Variants in KIAA1614 observed in about 807,000 individuals in gnomAD.
The protein encoded by KIAA1614 is KIAA1614, also known as uncharacterized protein KIAA1614.
KIAA1614 carries 76 observed loss-of-function variants against 88.7 expected under a neutral mutation model. The observed-to-expected ratio is 0.86, with a 90% CI of 0.71 to 1.04. The LOEUF (loss-of-function observed/expected upper bound fraction) is 1.04. KIAA1614 is among the 50% of genes least tolerant of loss of function. The pLI is 0.00. For synonymous variants in KIAA1614, 714 were observed against 675.5 expected (o/e 1.06, Z -0.88); for missense variants, 1,553 against 1,582.5 (o/e 0.98, Z 0.32).
chr1:180,935,381 A>G lies in KIAA1614; in HGVS notation c.1472A>G (p.Lys491Arg). 6.8e-7 allele frequency: 1 copy of G among 1,469,134 alleles called. No individual in the cohort carries two copies. The highest frequency in any genetic ancestry group is 9.0e-7 in the Non-Finnish European group (1 of 1,116,614). 91.0% of individuals were successfully genotyped at this position (1,469,134 alleles called of 1,614,324 possible). A position where few individuals can be genotyped will look rare whatever the true frequency, so the allele number is the denominator to read the frequency against. ...GCGGACCAGGGCCCCCTGCGCTCCA[A>G]GCCCGACCTCGCCGACTACATCAAC... ...QAADQGPLRS[K>R]PDLADYINGA... The change falls in exon 5 of 9, where the codon AAG becomes AGG. Residue 491 changes from lysine to arginine, a missense_variant. Lys to Arg is a conservative substitution (Grantham distance 26). Transcript: ENST00000367588. This position sits in a 1 kb window ranked among gnomAD's most constrained non-coding sequence, Gnocchi z 6.1.
At chr1:180,934,374 C>G (rs575665129) in intron 4 of KIAA1614, among the ~76,000 whole-genome samples, 38 of 151,772 alleles carry the variant, frequency 2.5e-4, no homozygotes, top group African/African-American at 8.9e-4. Context: ...GGATCACTTG[C>G]GCCCAGGAGT....
At chr1:180,919,785 G>A (rs1314926021) in intron 3 of KIAA1614, among the ~76,000 whole-genome samples, 1 of 152,168 alleles carries the variant, frequency 6.6e-6, no homozygotes, top group Non-Finnish European at 1.5e-5. Context: ...TGAGGAGATG[G>A]TATTTGTGTA....
At chr1:180,923,908 G>A (rs1654009310) in intron 3 of KIAA1614, among the ~76,000 whole-genome samples, 2 of 151,074 alleles carry the variant, frequency 1.3e-5, no homozygotes, top group Middle Eastern at 6.8e-3. Flanking sequence ...CTCCCATCCT[G>A]CCCCACTGAT....
Position 180,913,183 on chromosome 1 carries a change from C to A in KIAA1614, c.-61C>A. 8.3e-7 allele frequency: 1 copy of A among 1,206,282 alleles called. No individual in the cohort carries two copies. The highest frequency in any genetic ancestry group is 1.1e-6 in the Non-Finnish European group (1 of 951,498). The allele number at this position is 1,206,282 out of a possible 1,614,324, so 74.7% of individuals were successfully genotyped here. On this transcript the variant is annotated 5_prime_UTR_variant, in exon 1 of 9. Transcript: ENST00000367588. Reference sequence around the variant, plus strand: ...GGATTCGGGGCTGGAAGTCCCTCCCCGAACCCAGCAGCTGGCCTGGGAGGG... The same window carrying A: ...GGATTCGGGGCTGGAAGTCCCTCCCAGAACCCAGCAGCTGGCCTGGGAGGG...
rs1367160998 is a variant in KIAA1614 at position 180,948,452 on chromosome 1, C to G, written c.*2864C>G. 2 of 152,272 alleles carry G rather than the reference C, an allele frequency of 1.3e-5. No individual in the cohort carries two copies. The highest frequency in any genetic ancestry group is 2.9e-5 in the Non-Finnish European group (2 of 68,066). 9.4% of individuals were successfully genotyped at this position (152,272 alleles called of 1,614,324 possible). A position where few individuals can be genotyped will look rare whatever the true frequency, so the allele number is the denominator to read the frequency against. ...TCCAGCAGACAATAAATGCCTATGA[C>G]AGCAGGCTGTCATATTTGTGTCACG... On this transcript the variant is annotated 3_prime_UTR_variant, in exon 9 of 9. Coordinates refer to ENST00000367588, the MANE Select transcript of KIAA1614 (RefSeq NM_020950.2).
chr1:180,944,258 C>A, intron 7 of KIAA1614, 131 bp from the exon 8 acceptor site: 1 of 887,094 alleles, frequency 1.1e-6, no homozygotes, highest in South Asian at 1.6e-5. Flanking sequence ...CTGTTGAATT[C>A]TTGGAAGCAA....
At chr1:180,913,378 C>G (rs997979714) in intron 1 of KIAA1614, 85 bp downstream of exon 1, 13 of 931,484 alleles carry the variant, frequency 1.4e-5, no homozygotes, top group Non-Finnish European at 1.5e-5. Flanking sequence ...CAGGTCGCCC[C>G]GGCCACTGGG....
intron 3 of KIAA1614, among the ~76,000 whole-genome samples, chr1:180,923,284 A>G (rs1228334413): frequency 1.3e-5 from 2 of 152,138 alleles, no homozygotes; most frequent in East Asian, 1.9e-4. Flanking sequence ...TAATGTTCCA[A>G]CCCTCAAAAT....
At chr1:180,915,726 G>GCA (rs1210874559) in intron 1 of KIAA1614, among the ~76,000 whole-genome samples, 1 of 152,130 alleles carries the variant, frequency 6.6e-6, no homozygotes, top group Non-Finnish European at 1.5e-5. Context: ...GAACCAGGCC[G>GCA]CACAGCAGGA....
Position 180,935,931 on chromosome 1 carries a change from G to A in KIAA1614, c.2022G>A (p.Gln674=), listed in dbSNP as rs746632843. The change falls in exon 5 of 9, where the codon CAG becomes CAA. Residue 674 remains glutamine, a synonymous_variant. Coordinates refer to ENST00000367588, the MANE Select transcript of KIAA1614 (RefSeq NM_020950.2). The surrounding 1 kb of genome is among the most constrained non-coding windows in gnomAD (Gnocchi z 6.1). ...EAELPWGLQA[Q]QHLPRADDVE... ...AGCTCCCTTGGGGCCTTCAGGCCCA[G>A]CAACACCTGCCTAGGGCTGATGATG... The A allele has an allele frequency of 6.2e-7, 1 of 1,614,048 alleles. No individual in the cohort carries two copies. The highest frequency in any genetic ancestry group is 8.5e-7 in the Non-Finnish European group (1 of 1,179,928).
At position 180,916,866 on chromosome 1, in the gene KIAA1614, G is replaced by C. The variant is rs754618969; in HGVS notation, c.763G>C (p.Asp255His). Reference protein sequence around the residue: ...PDGVVTEADLDSTSLTSEEVF... With the variant: ...PDGVVTEADLHSTSLTSEEVF... Reference sequence around the variant, plus strand: ...TGGCGTGGTGACAGAGGCAGATCTGGATAGCACATCCCTGACCTCCGAGGA... The same window carrying C: ...TGGCGTGGTGACAGAGGCAGATCTGCATAGCACATCCCTGACCTCCGAGGA... Residue 255 changes from aspartate (D) to histidine (H), a missense_variant, in exon 2 of 9, where the codon GAT (aspartate) becomes CAT (histidine). Physicochemically the swap from Asp to His is moderately conservative, Grantham distance 81. Transcript: ENST00000367588. 6.2e-7 allele frequency: 1 copy of C among 1,614,246 alleles called. No individual in the cohort carries two copies. The highest frequency in any genetic ancestry group is 2.2e-5 in the East Asian group (1 of 44,888).
chr1:180,945,232 G>GT (rs1654562479), intron 8 of KIAA1614, 71 bp from the exon 9 acceptor site: 1 of 1,490,120 alleles, frequency 6.7e-7, no homozygotes. Flanking sequence ...TCGGTCATCT[G>GT]TAAGCCAGGG....
rs1654623249 is a variant in KIAA1614, at chr1:180,947,517, G to A, written c.*1929G>A. The A allele has an allele frequency of 1.3e-5, 2 of 152,276 alleles. No individual in the cohort carries two copies. Among genetic ancestry groups the A allele is most frequent in the African/African-American group, 4.8e-5 (2 of 41,410 alleles). The allele number at this position is 152,276 out of a possible 1,614,324, so 9.4% of individuals were successfully genotyped here. Reference sequence around the variant, plus strand: ...CTGGTTGATTTGACTATTTGCTGATGAGCTGGACATGTAAGAGGAAGAGAG... The same window carrying A: ...CTGGTTGATTTGACTATTTGCTGATAAGCTGGACATGTAAGAGGAAGAGAG... On this transcript the variant is annotated 3_prime_UTR_variant, in exon 9 of 9. Coordinates refer to ENST00000367588, the MANE Select transcript of KIAA1614 (RefSeq NM_020950.2).
rs200280666 is a variant in KIAA1614, at chr1:180,917,005, G to A, written c.902G>A (p.Arg301His). 115 of 1,613,906 alleles carry A rather than the reference G, an allele frequency of 7.1e-5. No individual in the cohort carries two copies. Among genetic ancestry groups the A allele is most frequent in the Non-Finnish European group, 9.1e-5 (107 of 1,180,050 alleles). ...CTGTCTGATCGGGTGGAGAGAAACC[G>A]CCTGTTGCTGCAGGAGATGCTCAAC... ...LSLSDRVERN[R>H]LLLQEMLNVS... Residue 301 changes from arginine to histidine, a missense_variant, in exon 2 of 9, where the codon CGC (arginine) becomes CAC (histidine). Coordinates refer to ENST00000367588, the MANE Select transcript of KIAA1614 (RefSeq NM_020950.2).
Position 180,928,560 on chromosome 1 carries a change from A to G in KIAA1614, c.1192A>G (p.Thr398Ala), listed in dbSNP as rs1302899073. Reference sequence around the variant, plus strand: ...CAGCCATGACATCGTGCCCACCATTACCCAGGGCAGCCGGTGAGTGGGACC... The same window carrying G: ...CAGCCATGACATCGTGCCCACCATTGCCCAGGGCAGCCGGTGAGTGGGACC... Reference protein sequence around the residue: ...RASHDIVPTITQGSRDGHRSP... With the variant: ...RASHDIVPTIAQGSRDGHRSP... The change falls in exon 4 of 9, where the codon ACC becomes GCC. Residue 398 changes from threonine (T) to alanine (A), a missense_variant. By Grantham distance (58) the Thr-to-Ala change is moderately conservative. Transcript: ENST00000367588. 1 of 1,611,978 alleles carries G rather than the reference A, an allele frequency of 6.2e-7. No homozygotes were observed. The highest frequency in any genetic ancestry group is 1.7e-5 in the Admixed American group (1 of 59,966).
At chr1:180,940,996 C>G in intron 6 of KIAA1614, 49 bp from the exon 7 acceptor site, 1 of 1,314,530 alleles carries the variant, frequency 7.6e-7, no homozygotes. Flanking sequence ...TCTCCCTGGC[C>G]ACCCTCCCGG....
At chr1:180,941,425 C>T in intron 7 of KIAA1614, 140 bp downstream of exon 7, 1 of 1,058,654 alleles carries the variant, frequency 9.4e-7, no homozygotes, top group East Asian at 2.6e-5. Flanking sequence ...TGCTGGCATC[C>T]CCATGGTTGA....
rs768590113 is a variant in KIAA1614, at chr1:180,935,423, G to C, written c.1514G>C (p.Arg505Pro). ...TACATCAACGGGGCTCCCCGGCTCC[G>C]GGACGCGGGGCAGGGGACATTCCAC... Reference protein sequence around the residue: ...ADYINGAPRLRDAGQGTFHRL... With the variant: ...ADYINGAPRLPDAGQGTFHRL... The change falls in exon 5 of 9, where the codon CGG (arginine) becomes CCG (proline). Residue 505 changes from arginine to proline, a missense_variant. By Grantham distance (103) the Arg-to-Pro change is moderately radical. Transcript: ENST00000367588. The surrounding 1 kb of genome is among the most constrained non-coding windows in gnomAD (Gnocchi z 6.1). The C allele has an allele frequency of 6.8e-7, 1 of 1,471,344 alleles. No individual in the cohort carries two copies. The highest frequency in any genetic ancestry group is 1.4e-5 in the African/African-American group (1 of 70,284). The allele number at this position is 1,471,344 out of a possible 1,614,324, so 91.1% of individuals were successfully genotyped here.
At position 180,944,708 on chromosome 1, in the gene KIAA1614, G is replaced by C. The variant is rs187277864; in HGVS notation, c.3287+192G>C. The C allele has an allele frequency of 7.6e-6, 4 of 525,574 alleles. No homozygotes were observed. In the East Asian group the frequency reaches 1.5e-4, roughly 19 times the overall value. The allele number at this position is 525,574 out of a possible 1,614,324, so 32.6% of individuals were successfully genotyped here. On this transcript the variant is annotated intron_variant, in intron 8 of 8. Coordinates refer to ENST00000367588, the MANE Select transcript of KIAA1614 (RefSeq NM_020950.2). Reference sequence around the variant, plus strand: ...ACCTCAGTGCCCTGCATGGACCCTCGGTGCATTGGGCTCTGAGAAGGCCTG... The same window carrying C: ...ACCTCAGTGCCCTGCATGGACCCTCCGTGCATTGGGCTCTGAGAAGGCCTG...
Sources: allele counts gnomAD v4.1 joint callset (sites outside exome capture counted in the v4.1 genomes callset), GRCh38; gene constraint gnomAD v4.1.1; non-coding constraint Gnocchi (gnomAD v3.1); transcripts MANE v1.5; gene names NCBI Gene and HGNC (gene_info 2026-07-23, HGNC 2026-07-21).